The following LOXHD1 variants were observed in gnomAD, a reference collection of about 807,000 sequenced individuals.
The protein encoded by LOXHD1 is lipoxygenase homology domain-containing protein 1.
Under a neutral mutation model 248.2 loss-of-function variants are expected in LOXHD1, and 205 were observed. That is an observed-to-expected ratio of 0.83 (90% CI 0.74 to 0.93). The LOEUF is 0.93. Ranked by LOEUF, LOXHD1 falls within the 40% of genes least tolerant of loss-of-function variation. The pLI is 0.00. For synonymous variants in LOXHD1, 1,113 were observed against 1,162.8 expected (o/e 0.96, Z 0.87); for missense variants, 2,930 against 2,971.6 (o/e 0.99, Z 0.33).
In LOXHD1 at chr18:46,525,271, G is replaced by C. The variant is rs142464549; in HGVS notation, c.4531-354C>G. On this transcript the variant is annotated intron_variant, in intron 29 of 40. Transcript: ENST00000642948. The stretch of plus-strand genomic sequence containing the variant: ...AGAGGAGGGGTGGTCAGCTGGTCCT[G>C]TTCCCAGACTCCTTAGCTATGCTGA... Among the ~76,000 whole-genome samples, 959 of 152,318 alleles carry C rather than the reference G, an allele frequency of 6.3e-3. 11 individuals carry two copies. Among genetic ancestry groups the C allele is most frequent in the African/African-American group, 0.022 (915 of 41,556 alleles).
At chr18:46,531,824 A>T (rs549123659) in intron 28 of LOXHD1, among the ~76,000 whole-genome samples, 2 of 152,240 alleles carry the variant, frequency 1.3e-5, no homozygotes, top group Non-Finnish European at 2.9e-5. Flanking sequence ...ATTCCAGGGC[A>T]TCCTCTGGGG....
Position 46,524,047 on chromosome 18 carries a change from G to C in LOXHD1, c.4876+419C>G, listed in dbSNP as rs561718356. On this transcript the variant is annotated intron_variant, in intron 31 of 40. Coordinates refer to ENST00000642948, the MANE Select transcript of LOXHD1 (RefSeq NM_001384474.1). ...TTTTATGGAGGAAGAAAAAACTGAA[G>C]CCAAGAGACTGGCTTGTCCAAGGCC... 6.6e-5 allele frequency among the ~76,000 whole-genome samples: 10 copies of C among 152,292 alleles called. No individual in the cohort carries two copies. The South Asian group carries it at 2.1e-3, about 32-fold the overall frequency.
downstream of LOXHD1, chr18:46,477,002 G>A: frequency 5.1e-6 from 3 of 583,096 alleles, no homozygotes; most frequent in Non-Finnish European, 9.2e-6. Context: ...TTGAAACTGG[G>A]GAAAAGTATA....
intron 4 of LOXHD1, among the ~76,000 whole-genome samples, chr18:46,630,077 G>A (rs1225598097): frequency 6.6e-6 from 1 of 152,140 alleles, no homozygotes; most frequent in African/African-American, 2.4e-5. Context: ...AAAACCTAAA[G>A]AACAAGAGCA....
chr18:46,626,870 G>A (rs1019644225), intron 4 of LOXHD1, among the ~76,000 whole-genome samples: 6 of 152,108 alleles, frequency 3.9e-5, no homozygotes, highest in Admixed American at 2.0e-4. Flanking sequence ...CCCTTGCAGC[G>A]TTGTGAAAAT....
chr18:46,517,808 A>T (rs2035338999), intron 34 of LOXHD1, among the ~76,000 whole-genome samples: 1 of 152,234 alleles, frequency 6.6e-6, no homozygotes, highest in Non-Finnish European at 1.5e-5. Flanking sequence ...GCCATAGTAC[A>T]GTTAATGAAA....
chr18:46,518,220 C>G lies in LOXHD1; in HGVS notation c.5308G>C (p.Val1770Leu). 3 of 1,551,666 alleles carry G rather than the reference C, an allele frequency of 1.9e-6. No homozygotes were observed. The highest frequency in any genetic ancestry group is 2.6e-6 in the Non-Finnish European group (3 of 1,146,988). The change falls in exon 34 of 41, where the codon GTT (valine) becomes CTT (leucine). Residue 1770 changes from valine to leucine, a missense_variant. By Grantham distance (32) the Val-to-Leu change is conservative. Coordinates refer to ENST00000642948, the MANE Select transcript of LOXHD1 (RefSeq NM_001384474.1). Reference protein sequence around the residue: ...YEMTVWTGDVVGGGTDSNIFM... With the variant: ...YEMTVWTGDVLGGGTDSNIFM... ...ATGTTGGAGTCAGTGCCCCCGCCAA[C>G]CACATCCCCTGTCCACACCGTCATT... is the stretch of plus-strand genomic sequence containing the variant.
At chr18:46,625,468 C>G (rs2038728297) in intron 4 of LOXHD1, among the ~76,000 whole-genome samples, 1 of 150,738 alleles carries the variant, frequency 6.6e-6, no homozygotes, top group South Asian at 2.1e-4. Flanking sequence ...ACATAAAATA[C>G]ATTAACACTA....
At chr18:46,584,645 G>A in intron 12 of LOXHD1, among the ~76,000 whole-genome samples, 1 of 152,006 alleles carries the variant, frequency 6.6e-6, no homozygotes, top group East Asian at 1.9e-4. Flanking sequence ...CAAACACTCA[G>A]AGAAGAAATA....
At chr18:46,536,044 A>G (rs990159370) in intron 26 of LOXHD1, among the ~76,000 whole-genome samples, 2 of 152,218 alleles carry the variant, frequency 1.3e-5, no homozygotes, top group Non-Finnish European at 2.9e-5. Flanking sequence ...TCTTGAGTCT[A>G]GATCCCAGCT....
chr18:46,631,502 C>A (rs2038821808), intron 4 of LOXHD1, among the ~76,000 whole-genome samples: 1 of 152,130 alleles, frequency 6.6e-6, no homozygotes, highest in Non-Finnish European at 1.5e-5. Context: ...AGGGAGGGGA[C>A]ACCTGAGGCA....
chr18:46,593,939 T>C (rs2038217754), intron 9 of LOXHD1, among the ~76,000 whole-genome samples, 179 bp from the exon 10 acceptor site: 1 of 152,212 alleles, frequency 6.6e-6, no homozygotes, highest in Admixed American at 6.5e-5. Context: ...TCCTTACTAT[T>C]AAAAATAAGG....
chr18:46,604,160 C>T lies in LOXHD1; in HGVS notation c.829G>A (p.Glu277Lys), dbSNP rs1308010817. Residue 277 changes from glutamate (E) to lysine (K), a missense_variant, in exon 7 of 41, where the codon GAA becomes AAA. Transcript: ENST00000642948. ...FPLNRWLALD[E>K]DDGKIQRDIL... ...TCCCTTTGGATTTTGCCATCGTCTT[C>T]GTCCAAGGCCAGCCAGCGGTTAAGG... The T allele has an allele frequency of 1.3e-5, 20 of 1,551,610 alleles. No homozygotes were observed. The highest frequency in any genetic ancestry group is 2.0e-5 in the Admixed American group (1 of 50,988).
intron 34 of LOXHD1, 40 bp downstream of exon 34, chr18:46,518,089 A>C (rs1438328704): frequency 6.5e-7 from 1 of 1,550,094 alleles, no homozygotes; most frequent in Non-Finnish European, 8.7e-7. Flanking sequence ...GGGAGAGTTG[A>C]ATGTGGGAGG....
chr18:46,497,314 G>A (rs1323701210), intron 37 of LOXHD1, among the ~76,000 whole-genome samples: 1 of 152,216 alleles, frequency 6.6e-6, no homozygotes, highest in Non-Finnish European at 1.5e-5. Flanking sequence ...CAAGGTTGGA[G>A]TGGTTTAGAG....
chr18:46,505,984 C>T lies in LOXHD1; in HGVS notation c.5732G>A (p.Gly1911Glu). 6.4e-7 allele frequency: 1 copy of T among 1,552,256 alleles called. No individual in the cohort carries two copies. Among genetic ancestry groups the T allele is most frequent in the Non-Finnish European group, 8.7e-7 (1 of 1,147,118 alleles). Residue 1911 changes from glycine to glutamate, a missense_variant, in exon 37 of 41, where the codon GGG becomes GAG. Physicochemically the swap from Gly to Glu is moderately conservative, Grantham distance 98. Transcript: ENST00000642948. ...TDANVFIIIF[G>E]ENGDSGTLAL... Reference sequence around the variant, plus strand: ...CAGTGTCCCACTATCCCCGTTCTCCCCGAAGATGATGATGAACACGTTGGC... The same window carrying T: ...CAGTGTCCCACTATCCCCGTTCTCCTCGAAGATGATGATGAACACGTTGGC...
At chr18:46,511,822 G>A (rs1454274223) in intron 34 of LOXHD1, among the ~76,000 whole-genome samples, 1 of 152,188 alleles carries the variant, frequency 6.6e-6, no homozygotes, top group African/African-American at 2.4e-5. Flanking sequence ...ATTGGCCAGG[G>A]TCAGAGTGCC....
chr18:46,477,888 C>T lies in LOXHD1; in HGVS notation c.6406G>A (p.Glu2136Lys), dbSNP rs766184517. The part of the protein sequence containing the change: ...KRKRKYFKVF[E>K]VTKTTESFAS... ...AAGCTCTCTGTCGTCTTGGTAACCT[C>T]GAATACCTTGAAGTACTTCCTCTTC... The change falls in exon 41 of 41, where the codon GAG becomes AAG. Residue 2136 changes from glutamate to lysine, a missense_variant. Coordinates refer to ENST00000642948, the MANE Select transcript of LOXHD1 (RefSeq NM_001384474.1). 39 of 1,551,624 alleles carry T rather than the reference C, an allele frequency of 2.5e-5. No homozygotes were observed. Among genetic ancestry groups the T allele is most frequent in the Middle Eastern group, 3.3e-4 (2 of 6,014 alleles).
intron 14 of LOXHD1, among the ~76,000 whole-genome samples, chr18:46,576,108 C>T (rs1189743693): frequency 2.0e-5 from 3 of 152,240 alleles, no homozygotes; most frequent in Admixed American, 6.5e-5. Flanking sequence ...CACAGTGTGT[C>T]ATTCTGGCTT....
Sources: allele counts gnomAD v4.1 joint callset (sites outside exome capture counted in the v4.1 genomes callset), GRCh38; gene constraint gnomAD v4.1.1; transcripts MANE v1.5; gene names NCBI Gene and HGNC (gene_info 2026-07-23, HGNC 2026-07-21).